The following JAM2 variants were observed in gnomAD, a reference collection of about 807,000 sequenced individuals.
JAM2 encodes the protein junctional adhesion molecule 2.
Under a neutral mutation model 42.0 loss-of-function variants are expected in JAM2, and 17 were observed. The ratio of observed to expected loss-of-function variants is 0.40; its 90% CI spans 0.28 to 0.61. The LOEUF (loss-of-function observed/expected upper bound fraction) is 0.61. Ranked by LOEUF, JAM2 falls within the 20% of genes least tolerant of loss-of-function variation. The pLI is 0.37. For synonymous variants in JAM2, 118 were observed against 128.6 expected (o/e 0.92, Z 0.56); for missense variants, 319 against 358.3 (o/e 0.89, Z 0.89).
intron 1 of JAM2, among the ~76,000 whole-genome samples, chr21:25,663,665 C>A (rs71317421): frequency 1.1e-4 from 16 of 152,138 alleles, no homozygotes; most frequent in Non-Finnish European, 1.8e-4. Flanking sequence ...TGAGCCCGCT[C>A]ACCCTGTGAT....
rs1812258475 is a variant in JAM2, at chr21:25,639,761, C to G, written c.-61C>G. ...CAGAAGTTCAAGGGCCCCCGGCCTC[C>G]TGCGCTCCTGCCGCCGGGACCCTCG... On this transcript the variant is annotated 5_prime_UTR_variant, in exon 1 of 10. Transcript: ENST00000480456. 34 of 1,216,580 alleles carry G rather than the reference C, an allele frequency of 2.8e-5. No homozygotes were observed. In the South Asian group the frequency reaches 4.3e-4, roughly 15 times the overall value. The allele number at this position is 1,216,580 out of a possible 1,614,324, so 75.4% of individuals were successfully genotyped here. A position where few individuals can be genotyped will look rare whatever the true frequency, so the allele number is the denominator to read the frequency against.
At chr21:25,693,958 C>A in intron 4 of JAM2, 50 bp downstream of exon 4, 2 of 1,582,402 alleles carry the variant, frequency 1.3e-6, no homozygotes, top group Non-Finnish European at 8.6e-7. Context: ...TTCTCCACCA[C>A]CCAGCCCTGG....
intron 1 of JAM2, among the ~76,000 whole-genome samples, chr21:25,657,765 G>C (rs1456708171): frequency 4.6e-5 from 7 of 152,080 alleles, no homozygotes; most frequent in Admixed American, 4.6e-4. Flanking sequence ...AACATTTTAT[G>C]TTTTTAAATG....
At chr21:25,670,700 A>C (rs1286885310) in intron 1 of JAM2, among the ~76,000 whole-genome samples, 1 of 152,234 alleles carries the variant, frequency 6.6e-6, no homozygotes, top group Non-Finnish European at 1.5e-5. Context: ...GAACTAAAAA[A>C]GTCAGAGAAC....
In JAM2 at chr21:25,679,255, C is replaced by A. The variant is rs192792244; in HGVS notation, c.68-4628C>A. On this transcript the variant is annotated intron_variant, in intron 1 of 9. Coordinates refer to ENST00000480456, the MANE Select transcript of JAM2 (RefSeq NM_021219.4). Reference sequence around the variant, plus strand: ...AGTTGTCATGTCATATGAAAGATTTCTCTCTCCTTTCCAGGAGTATAATCA... The same window carrying A: ...AGTTGTCATGTCATATGAAAGATTTATCTCTCCTTTCCAGGAGTATAATCA... Among the ~76,000 whole-genome samples the A allele has an allele frequency of 3.8e-4, 58 of 152,334 alleles. No homozygotes were observed. In the East Asian group the frequency reaches 9.4e-3, roughly 25 times the overall value.
chr21:25,653,619 A>G (rs2032842415), intron 1 of JAM2, among the ~76,000 whole-genome samples: 1 of 152,198 alleles, frequency 6.6e-6, no homozygotes. Context: ...TTATAAAACC[A>G]TCAGATCTTG....
chr21:25,689,830 C>A (rs764587709), intron 2 of JAM2, 36 bp from the exon 3 acceptor site: 2 of 1,316,496 alleles, frequency 1.5e-6, no homozygotes, highest in Non-Finnish European at 2.2e-6. Context: ...TTCATGGGGA[C>A]AATTAGAAAA....
chr21:25,658,405 G>A (rs1343697051), intron 1 of JAM2, among the ~76,000 whole-genome samples: 2 of 152,120 alleles, frequency 1.3e-5, no homozygotes, highest in African/African-American at 4.8e-5. Context: ...ATCATGATCT[G>A]TACCTATCCC....
chr21:25,708,991 T>C (rs936670119), intron 7 of JAM2, among the ~76,000 whole-genome samples: 45 of 152,248 alleles, frequency 3.0e-4, no homozygotes, highest in African/African-American at 1.1e-3. Flanking sequence ...CTATGGCCTA[T>C]GAACAAAAAT....
chr21:25,701,688 C>T (rs1314724046), intron 5 of JAM2, among the ~76,000 whole-genome samples: 1 of 152,128 alleles, frequency 6.6e-6, no homozygotes, highest in Non-Finnish European at 1.5e-5. Flanking sequence ...TTTCCTAGGC[C>T]CTAAGCTACT....
intron 4 of JAM2, among the ~76,000 whole-genome samples, chr21:25,695,310 T>G (rs942941838): frequency 6.6e-6 from 1 of 152,218 alleles, no homozygotes; most frequent in Non-Finnish European, 1.5e-5. Flanking sequence ...ATGTTATAGA[T>G]TAACAGCATC....
intron 5 of JAM2, among the ~76,000 whole-genome samples, chr21:25,699,437 G>A (rs1393135094): frequency 6.6e-6 from 1 of 152,040 alleles, no homozygotes; most frequent in African/African-American, 2.4e-5. Context: ...TTTAAAAATT[G>A]CGCGGCCGGG....
intron 3 of JAM2, among the ~76,000 whole-genome samples, chr21:25,693,083 T>A (rs2033917764): frequency 6.6e-6 from 1 of 152,184 alleles, no homozygotes. Flanking sequence ...AATTGCTCAG[T>A]GAACTGCTTA....
chr21:25,685,255 A>C (rs1036269709), intron 2 of JAM2, among the ~76,000 whole-genome samples: 34 of 152,142 alleles, frequency 2.2e-4, no homozygotes, highest in African/African-American at 7.7e-4. Context: ...TGCTGTAGTA[A>C]GAATCAGTCC....
rs2034399961 is a variant in JAM2, at chr21:25,712,287, C to G, written c.822-53C>G. Reference sequence around the variant, plus strand: ...AATTAACTAAAAGAGCATATATGTTCCAGATTGGAAGTGATAATGTAGTAA... The same window carrying G: ...AATTAACTAAAAGAGCATATATGTTGCAGATTGGAAGTGATAATGTAGTAA... On this transcript the variant is annotated intron_variant, in intron 8 of 9. Coordinates refer to ENST00000480456, the MANE Select transcript of JAM2 (RefSeq NM_021219.4). 8.4e-6 allele frequency: 10 copies of G among 1,194,586 alleles called. No individual in the cohort carries two copies. In the South Asian group the frequency reaches 1.2e-4, roughly 15 times the overall value. 74.0% of individuals were successfully genotyped at this position (1,194,586 alleles called of 1,614,324 possible).
chr21:25,675,550 G>GGGAAGGAAGGAAGGAAGGAGGGAA (rs2033465856), intron 1 of JAM2, among the ~76,000 whole-genome samples: 1 of 148,430 alleles, frequency 6.7e-6, no homozygotes, highest in Non-Finnish European at 1.5e-5. Context: ...GAGGAAGGAG[G>GGGAAGGAAGGAAGGAAGGAGGGAA]GGAAGGAAGG....
At chr21:25,700,096 T>A (rs897335309) in intron 5 of JAM2, among the ~76,000 whole-genome samples, 3 of 152,180 alleles carry the variant, frequency 2.0e-5, no homozygotes, top group African/African-American at 7.2e-5. Flanking sequence ...TTTCTAGGAA[T>A]ACTGATGACA....
At position 25,670,636 on chromosome 21, in the gene JAM2, C is replaced by A. The variant is rs377558294; in HGVS notation, c.68-13247C>A. Among the ~76,000 whole-genome samples, 26 of 152,180 alleles carry A rather than the reference C, an allele frequency of 1.7e-4. No homozygotes were observed. In the East Asian group the frequency reaches 3.5e-3, roughly 20 times the overall value. ...ATTTTATTGGTCTAGTTCACTGATCCTAAAAAAGTGCGTGTTGGTGTTAGC... is the reference window on the plus strand; with the variant it reads ...ATTTTATTGGTCTAGTTCACTGATCATAAAAAAGTGCGTGTTGGTGTTAGC... On this transcript the variant is annotated intron_variant, in intron 1 of 9. Transcript: ENST00000480456.
chr21:25,659,332 C>T (rs577460364), intron 1 of JAM2, among the ~76,000 whole-genome samples: 56 of 151,178 alleles, frequency 3.7e-4, no homozygotes, highest in African/African-American at 1.1e-3. Context: ...TATTATTATA[C>T]GTCATGCATT....
Sources: gnomAD v4.1 joint callset for allele counts (sites outside exome capture counted in the v4.1 genomes callset) on GRCh38, gnomAD v4.1.1 for gene constraint, MANE v1.5 for transcripts, NCBI Gene and HGNC (gene_info 2026-07-23, HGNC 2026-07-21) for gene names.